BZW2: variants seen among roughly 807,000 people sequenced by gnomAD.
BZW2 encodes eIF5-mimic protein 1.
In BZW2, 23 loss-of-function variants were observed where a neutral mutation model predicts 53.2. That is an observed-to-expected ratio of 0.43 (90% CI 0.31 to 0.61). The LOEUF is 0.61. Among genes scored for constraint, BZW2 ranks in the 20% least tolerant of loss-of-function variants. The probability of loss-of-function intolerance (pLI) is 0.09; values close to 1 mark genes in which losing one functional copy is unlikely to be tolerated. For missense variants in BZW2, 409 were observed against 503.1 expected (o/e 0.81, Z 1.79); for synonymous variants, 227 against 186.4 (o/e 1.22, Z -1.77).
At chr7:16,660,079 G>A (rs905402123) in intron 1 of BZW2, among the ~76,000 whole-genome samples, 2 of 151,234 alleles carry the variant, frequency 1.3e-5, no homozygotes, top group African/African-American at 2.4e-5. Flanking sequence ...GAGAACATGC[G>A]GTGTTTGGTT....
At chr7:16,680,880 C>T (rs982646912) in intron 3 of BZW2, among the ~76,000 whole-genome samples, 13 of 151,980 alleles carry the variant, frequency 8.6e-5, no homozygotes, top group African/African-American at 2.2e-4. Flanking sequence ...CTGAGGTGGG[C>T]GGATCACAAG....
At chr7:16,696,879 C>T (rs747885593) in intron 8 of BZW2, 36 bp from the exon 9 acceptor site, 4 of 1,611,766 alleles carry the variant, frequency 2.5e-6, no homozygotes, top group Non-Finnish European at 3.4e-6. Flanking sequence ...CCTCCATCTG[C>T]CTGTTACTTT....
chr7:16,694,766 CT>C, intron 7 of BZW2, 67 bp from the exon 8 acceptor site: 1 of 1,287,350 alleles, frequency 7.8e-7, no homozygotes, highest in Non-Finnish European at 1.0e-6. Flanking sequence ...GAAATGAAGA[CT>C]TTTGTCCTTT....
At chr7:16,658,743 C>T (rs918575743) in intron 1 of BZW2, among the ~76,000 whole-genome samples, 1 of 151,826 alleles carries the variant, frequency 6.6e-6, no homozygotes, top group Admixed American at 6.6e-5. Flanking sequence ...GGCATGGTGG[C>T]GTGCAACTGT....
rs780829253 is a variant in BZW2, at chr7:16,681,416, T to C, written c.339+12T>C. 5 of 1,605,866 alleles carry C rather than the reference T, an allele frequency of 3.1e-6. No homozygotes were observed. The highest frequency in any genetic ancestry group is 1.1e-5 in the South Asian group (1 of 90,692). ...GAAACTATGCTCAGGTAGAGCCTGT[T>C]TGAGAGACTGAAGCATTTGAAGAGG... On this transcript the variant is annotated intron_variant, in intron 4 of 11. Transcript: ENST00000258761.
chr7:16,674,308 A>AT (rs11465103), intron 2 of BZW2, 104 bp from the exon 3 acceptor site: 306,937 of 818,230 alleles, frequency 0.38, 59,588 homozygotes, highest in African/African-American at 0.73. Flanking sequence ...TGCTCTGTGG[A>AT]TTTTTTTTTC....
intron 2 of BZW2, among the ~76,000 whole-genome samples, chr7:16,674,087 A>G (rs1782692501): frequency 6.6e-6 from 1 of 152,070 alleles, no homozygotes; most frequent in Non-Finnish European, 1.5e-5. Context: ...TTTAATAGAG[A>G]CGGAGTTTCA....
chr7:16,677,821 A>G (rs181524237), intron 3 of BZW2, among the ~76,000 whole-genome samples: 2 of 152,052 alleles, frequency 1.3e-5, no homozygotes, highest in East Asian at 3.9e-4. Flanking sequence ...ATCAATGCCT[A>G]AGTGAAAGGT....
intron 4 of BZW2, 121 bp from the exon 5 acceptor site, chr7:16,682,659 G>A (rs1782985411): frequency 4.4e-6 from 2 of 457,068 alleles, no homozygotes; most frequent in East Asian, 3.6e-5. Context: ...ATTACAGTGT[G>A]AGCCTGTTTA....
At chr7:16,663,678 A>G (rs967786467) in intron 1 of BZW2, among the ~76,000 whole-genome samples, 5 of 152,196 alleles carry the variant, frequency 3.3e-5, no homozygotes, top group Non-Finnish European at 7.4e-5. Context: ...ATAAGTAATT[A>G]AGGAAATCTA....
At chr7:16,648,612 C>G (rs1368174119) in intron 1 of BZW2, among the ~76,000 whole-genome samples, 5 of 152,194 alleles carry the variant, frequency 3.3e-5, no homozygotes, top group Admixed American at 2.0e-4. Flanking sequence ...GAATGGCTCT[C>G]TGCTGGCCAC....
At chr7:16,663,758 T>C (rs1782336890) in intron 1 of BZW2, among the ~76,000 whole-genome samples, 1 of 152,234 alleles carries the variant, frequency 6.6e-6, no homozygotes, top group South Asian at 2.1e-4. Context: ...ATGCATGTTA[T>C]ATTGAATGTT....
chr7:16,678,581 AC>A (rs1782839970), intron 3 of BZW2, among the ~76,000 whole-genome samples: 1 of 152,198 alleles, frequency 6.6e-6, no homozygotes, highest in East Asian at 1.9e-4. Flanking sequence ...ACTTTAAAAA[AC>A]ATACCTCTCA....
At chr7:16,703,187 G>A (rs903286395) in intron 10 of BZW2, among the ~76,000 whole-genome samples, 1 of 152,104 alleles carries the variant, frequency 6.6e-6, no homozygotes, top group African/African-American at 2.4e-5. Flanking sequence ...TAGAAGCTAA[G>A]AATAAGTCTA....
chr7:16,659,660 T>C (rs1782201508), intron 1 of BZW2, among the ~76,000 whole-genome samples: 1 of 152,070 alleles, frequency 6.6e-6, no homozygotes, highest in Non-Finnish European at 1.5e-5. Context: ...TAGTAGATAA[T>C]TTTACTCATT....
At chr7:16,690,014 G>A (rs768240963) in intron 7 of BZW2, 108 bp downstream of exon 7, 288 of 661,026 alleles carry the variant, frequency 4.4e-4, no homozygotes, top group Non-Finnish European at 4.3e-4. Context: ...TGTTGACTTG[G>A]AGCACTGTTC....
intron 2 of BZW2, among the ~76,000 whole-genome samples, chr7:16,666,695 G>C (rs1782438621): frequency 6.6e-6 from 1 of 151,830 alleles, no homozygotes; most frequent in Non-Finnish European, 1.5e-5. Context: ...TTTGAAATAG[G>C]GTCTTGCTCT....
At chr7:16,654,534 A>C (rs1583699008) in intron 1 of BZW2, among the ~76,000 whole-genome samples, 1 of 123,226 alleles carries the variant, frequency 8.1e-6, no homozygotes. Context: ...AAAAAAACGG[A>C]TGATATTTAT....
rs1302785740 is a variant in BZW2, at chr7:16,698,096, C to G, written c.1018C>G (p.Leu340Val). Residue 340 changes from leucine (L) to valine (V), a missense_variant, in exon 10 of 12, where the codon CTG becomes GTG. Coordinates refer to ENST00000258761, the MANE Select transcript of BZW2 (RefSeq NM_014038.3). Reference sequence around the variant, plus strand: ...GTTCAGCTCCCAAGGCCAGTCAGAGCTGATCCTCCTCCAGAAGGTTCAGGA... The same window carrying G: ...GTTCAGCTCCCAAGGCCAGTCAGAGGTGATCCTCCTCCAGAAGGTTCAGGA... ...AVFSSQGQSELILLQKVQEYC... is the reference protein window; with the variant it reads ...AVFSSQGQSEVILLQKVQEYC... 6.2e-7 allele frequency: 1 copy of G among 1,614,188 alleles called. No homozygotes were observed. Among genetic ancestry groups the G allele is most frequent in the South Asian group, 1.1e-5 (1 of 91,092 alleles).
Sources: allele counts gnomAD v4.1 joint callset (sites outside exome capture counted in the v4.1 genomes callset), GRCh38; gene constraint gnomAD v4.1.1; transcripts MANE v1.5; gene names NCBI Gene and HGNC (gene_info 2026-07-23, HGNC 2026-07-21).